GABRG3: variants seen among roughly 807,000 people sequenced by gnomAD.
The protein encoded by GABRG3 is gamma-aminobutyric acid receptor subunit gamma-3.
In GABRG3, 25 loss-of-function variants were observed where a neutral mutation model predicts 48.8. The ratio of observed to expected loss-of-function variants is 0.51; its 90% CI spans 0.37 to 0.72. The LOEUF is 0.72. GABRG3 is among the 30% of genes least tolerant of loss of function. GABRG3 has a pLI of 0.00. For missense variants in GABRG3, 394 were observed against 577.9 expected, an observed-to-expected ratio of 0.68 and a Z score of 3.26; for synonymous variants, 227 against 217.6, an observed-to-expected ratio of 1.04 and a Z score of -0.38.
intron 3 of GABRG3, among the ~76,000 whole-genome samples, chr15:27,121,074 T>G (rs1290863374): frequency 6.6e-6 from 1 of 152,210 alleles, no homozygotes; most frequent in Non-Finnish European, 1.5e-5. Context: ...TCACTTCGTT[T>G]ATTATCTCTA....
intron 3 of GABRG3, among the ~76,000 whole-genome samples, chr15:27,234,276 G>A (rs554309981): frequency 6.6e-6 from 1 of 152,258 alleles, no homozygotes; most frequent in Non-Finnish European, 1.5e-5. Context: ...CCCAGAGGAG[G>A]CTCCCTGGCC....
At chr15:27,310,252 C>T (rs909158836) in intron 3 of GABRG3, among the ~76,000 whole-genome samples, 1 of 151,970 alleles carries the variant, frequency 6.6e-6, no homozygotes, top group Admixed American at 6.6e-5. Context: ...ATTGTGTGTC[C>T]TGATTATGTT....
intron 3 of GABRG3, among the ~76,000 whole-genome samples, chr15:27,306,490 A>C (rs1369689513): frequency 2.9e-5 from 4 of 140,242 alleles, no homozygotes; most frequent in Non-Finnish European, 6.1e-5. Context: ...ACATATATAT[A>C]ATATAAACAT....
intron 3 of GABRG3, among the ~76,000 whole-genome samples, chr15:27,187,340 T>A (rs911749973): frequency 1.3e-5 from 2 of 152,140 alleles, no homozygotes; most frequent in Non-Finnish European, 2.9e-5. Flanking sequence ...GTAGTATAGT[T>A]TAAAGTTGGG....
chr15:27,476,901 C>T (rs2150843057), intron 5 of GABRG3, among the ~76,000 whole-genome samples: 1 of 152,222 alleles, frequency 6.6e-6, no homozygotes, highest in South Asian at 2.1e-4. Context: ...AGACAGAGAA[C>T]ATTTTGAAAA....
At chr15:27,336,240 GAAAAGAAAGAAAGA>G (rs937062884) in intron 5 of GABRG3, among the ~76,000 whole-genome samples, 26 of 134,562 alleles carry the variant, frequency 1.9e-4, no homozygotes, top group Admixed American at 7.3e-4. Context: ...GAGAGGAGAA[GAAAAGAAAGAAAGA>G]AAAAGAAAGA....
Position 27,352,111 on chromosome 15 carries a change from G to GGT in GABRG3, c.574+23232_574+23233dup, listed in dbSNP as rs1199087533. ...GTGTGTGTATGATGTGTGTATGTATGGTGTGTGTGTATGTATGATGTGTGT... is the reference window on the plus strand; with the variant it reads ...GTGTGTGTATGATGTGTGTATGTATGGTGTGTGTGTGTATGTATGATGTGTGT... On this transcript the variant is annotated intron_variant, in intron 5 of 9. Transcript: ENST00000615808. The surrounding 1 kb of genome is among the most constrained non-coding windows in gnomAD (Gnocchi z 4.0). Among the ~76,000 whole-genome samples, 2 of 148,524 alleles carry GGT rather than the reference G, an allele frequency of 1.3e-5. No individual in the cohort carries two copies. Among genetic ancestry groups the GGT allele is most frequent in the Admixed American group, 6.7e-5 (1 of 14,868 alleles).
chr15:27,526,038 C>G (rs562739820), intron 7 of GABRG3, among the ~76,000 whole-genome samples: 1 of 152,244 alleles, frequency 6.6e-6, no homozygotes, highest in Admixed American at 6.5e-5. Flanking sequence ...GTTTACATAG[C>G]GTTTTTACAT....
chr15:27,116,370 AT>A lies in GABRG3; in HGVS notation c.270+89556del, dbSNP rs566367740. On this transcript the variant is annotated intron_variant, in intron 3 of 9. Transcript: ENST00000615808. Reference sequence around the variant, plus strand: ...AGCCTTTATGATTTGACTTTTATATATTTTTTTCTCATATATGTCTTGTGTT... The same window carrying A: ...AGCCTTTATGATTTGACTTTTATATATTTTTTCTCATATATGTCTTGTGTT... Among the ~76,000 whole-genome samples, 758 of 152,108 alleles carry A rather than the reference AT, an allele frequency of 5.0e-3. 8 individuals are homozygous for A. Among genetic ancestry groups the A allele is most frequent in the African/African-American group, 0.017 (702 of 41,506 alleles).
chr15:27,412,425 T>C (rs983016467), intron 5 of GABRG3, among the ~76,000 whole-genome samples: 3 of 152,212 alleles, frequency 2.0e-5, no homozygotes, highest in Non-Finnish European at 2.9e-5. Flanking sequence ...ATATAAATGG[T>C]ATAATACCAG....
chr15:27,133,204 A>G (rs1173161155), intron 3 of GABRG3, among the ~76,000 whole-genome samples: 1 of 152,156 alleles, frequency 6.6e-6, no homozygotes, highest in African/African-American at 2.4e-5. Context: ...TCATCCTTCC[A>G]TCTTAACATA....
chr15:27,466,417 A>G (rs1889612384), intron 5 of GABRG3, among the ~76,000 whole-genome samples: 1 of 152,176 alleles, frequency 6.6e-6, no homozygotes, highest in Admixed American at 6.5e-5. Flanking sequence ...TTATACTTGG[A>G]CACATTAACA....
intron 3 of GABRG3, among the ~76,000 whole-genome samples, chr15:27,284,047 G>A (rs918857165): frequency 6.6e-6 from 1 of 152,028 alleles, no homozygotes; most frequent in African/African-American, 2.4e-5. Flanking sequence ...GGGGTGCAAG[G>A]GGGGAGGCAG....
chr15:27,421,326 C>T (rs780734832), intron 5 of GABRG3, among the ~76,000 whole-genome samples: 1 of 152,204 alleles, frequency 6.6e-6, no homozygotes, highest in Non-Finnish European at 1.5e-5. Flanking sequence ...TTCCATCATT[C>T]GAAAACACTG....
At chr15:27,066,241 A>G (rs1394843562) in intron 3 of GABRG3, among the ~76,000 whole-genome samples, 1 of 152,226 alleles carries the variant, frequency 6.6e-6, no homozygotes, top group Non-Finnish European at 1.5e-5. Flanking sequence ...AACCTCACTC[A>G]ATACTAACAG....
At chr15:27,086,274 T>C (rs1897075430) in intron 3 of GABRG3, among the ~76,000 whole-genome samples, 1 of 152,110 alleles carries the variant, frequency 6.6e-6, no homozygotes, top group African/African-American at 2.4e-5. Flanking sequence ...GAACCCCCCT[T>C]CATCTGTGAG....
chr15:27,094,773 T>C (rs1897244931), intron 3 of GABRG3, among the ~76,000 whole-genome samples: 1 of 152,174 alleles, frequency 6.6e-6, no homozygotes, highest in Admixed American at 6.5e-5. Context: ...AGATTTGCTT[T>C]TCTGATTACA....
chr15:27,317,766 T>TA (rs1165813440), intron 3 of GABRG3, among the ~76,000 whole-genome samples: 6 of 151,968 alleles, frequency 3.9e-5, no homozygotes, highest in African/African-American at 1.5e-4. Flanking sequence ...AGCTAAAAAA[T>TA]AAAAAAGTGA....
At chr15:27,059,424 TA>T in intron 3 of GABRG3, among the ~76,000 whole-genome samples, 1 of 152,360 alleles carries the variant, frequency 6.6e-6, no homozygotes, top group East Asian at 1.9e-4. Context: ...TGTTATTTTA[TA>T]AGCTGAATCC....
Sources: gnomAD v4.1 joint callset for allele counts (sites outside exome capture counted in the v4.1 genomes callset) on GRCh38, gnomAD v4.1.1 for gene constraint, Gnocchi (gnomAD v3.1) non-coding constraint, MANE v1.5 for transcripts, NCBI Gene and HGNC (gene_info 2026-07-23, HGNC 2026-07-21) for gene names.